Variants in STOX1 observed in about 807,000 individuals in gnomAD.
STOX1 encodes storkhead box 1, also known as storkhead-box protein 1.
Under a neutral mutation model 74.8 loss-of-function variants are expected in STOX1, and 57 were observed. The ratio of observed to expected loss-of-function variants is 0.76; its 90% CI spans 0.62 to 0.95. The LOEUF (loss-of-function observed/expected upper bound fraction) is 0.95. STOX1 is among the 40% of genes least tolerant of loss of function. The probability of loss-of-function intolerance (pLI) is 0.00; values close to 1 mark genes in which losing one functional copy is unlikely to be tolerated. For missense variants in STOX1, 1,010 were observed against 1,117.0 expected (o/e 0.90, Z 1.37); for synonymous variants, 375 against 401.3 (o/e 0.93, Z 0.78).
intron 1 of STOX1, among the ~76,000 whole-genome samples, chr10:68,877,068 A>G (rs575751860): frequency 1.3e-5 from 2 of 152,302 alleles, no homozygotes; most frequent in Admixed American, 6.5e-5. Flanking sequence ...TGAAGGATGT[A>G]TCTTAGCAAC....
Position 68,875,514 on chromosome 10 carries a change from ACCT to A in STOX1, c.311-6440_311-6438del, listed in dbSNP as rs1193514527. On this transcript the variant is annotated intron_variant, in intron 1 of 3. Coordinates refer to ENST00000298596, the MANE Select transcript of STOX1 (RefSeq NM_152709.5). ...TCTACATTGGGGTATGAGTATTCAC[ACCT>A]CCTGAATTGGCCAGGAAGTGGCTCT... 1.4e-4 allele frequency among the ~76,000 whole-genome samples: 21 copies of A among 152,064 alleles called. No homozygotes were observed. In the East Asian group the frequency reaches 3.9e-3, roughly 28 times the overall value.
At chr10:68,862,113 G>C (rs1056649063) in intron 1 of STOX1, among the ~76,000 whole-genome samples, 5 of 152,044 alleles carry the variant, frequency 3.3e-5, no homozygotes, top group Non-Finnish European at 7.4e-5. Flanking sequence ...AAAATCTGCT[G>C]TCTGCACTGA....
intron 3 of STOX1, among the ~76,000 whole-genome samples, chr10:68,887,888 C>G (rs1339492063): frequency 1.3e-5 from 2 of 152,122 alleles, no homozygotes; most frequent in Non-Finnish European, 2.9e-5. Flanking sequence ...AGCTGCCATG[C>G]CCGGCCTCCA....
At position 68,886,087 on chromosome 10, in the gene STOX1, G is replaced by A. The variant is rs202227504; in HGVS notation, c.2291G>A (p.Ser764Asn). 5.8e-5 allele frequency: 93 copies of A among 1,614,084 alleles called. No individual in the cohort carries two copies. The highest frequency in any genetic ancestry group is 7.5e-5 in the Non-Finnish European group (89 of 1,180,042). The stretch of plus-strand genomic sequence containing the variant: ...AGTCAGTATTCCTTCACAGGTGGAA[G>A]CCAGGGAAATCATTTAGGAAAACAA... ...GHSQYSFTGG[S>N]QGNHLGKQKV... The change falls in exon 3 of 4, where the codon AGC (serine) becomes AAC (asparagine). Residue 764 changes from serine to asparagine, a missense_variant. Ser to Asn is a conservative substitution (Grantham distance 46). Coordinates refer to ENST00000298596, the MANE Select transcript of STOX1 (RefSeq NM_152709.5).
chr10:68,858,787 T>G (rs977979375), intron 1 of STOX1, among the ~76,000 whole-genome samples: 2 of 152,112 alleles, frequency 1.3e-5, no homozygotes, highest in Admixed American at 1.3e-4. Context: ...TCCTGTTTAT[T>G]ATTCTGGGCC....
At chr10:68,889,262 G>A (rs1048945942) in intron 3 of STOX1, among the ~76,000 whole-genome samples, 3 of 152,018 alleles carry the variant, frequency 2.0e-5, no homozygotes, top group African/African-American at 7.2e-5. Context: ...ATGACCCACC[G>A]CACTGGCCAT....
At chr10:68,849,605 G>C (rs1309427060) in intron 1 of STOX1, among the ~76,000 whole-genome samples, 1 of 152,090 alleles carries the variant, frequency 6.6e-6, no homozygotes, top group Non-Finnish European at 1.5e-5. Flanking sequence ...GGAGGACCCA[G>C]GGAGCTCAGG....
intron 1 of STOX1, chr10:68,846,683 C>T (rs1169587898): frequency 6.6e-6 from 1 of 152,100 alleles, no homozygotes; most frequent in East Asian, 1.9e-4. Flanking sequence ...ATTCTGAGTC[C>T]TTCAAGTTTG....
In STOX1 at chr10:68,885,222, C is replaced by G; in HGVS notation, c.1426C>G (p.Leu476Val). Residue 476 changes from leucine to valine, a missense_variant, in exon 3 of 4, where the codon CTT (leucine) becomes GTT (valine). Transcript: ENST00000298596. ...SPNEMVGQKP[L>V]GEITTVLGSH... is the part of the protein sequence containing the mutation. Reference sequence around the variant, plus strand: ...AAATGAAATGGTAGGTCAGAAACCACTTGGTGAGATTACAACAGTGCTAGG... The same window carrying G: ...AAATGAAATGGTAGGTCAGAAACCAGTTGGTGAGATTACAACAGTGCTAGG... The G allele has an allele frequency of 6.2e-7, 1 of 1,614,202 alleles. No homozygotes were observed. The highest frequency in any genetic ancestry group is 8.5e-7 in the Non-Finnish European group (1 of 1,180,044).
Position 68,884,590 on chromosome 10 carries a change from C to A in STOX1, c.794C>A (p.Thr265Asn). The A allele has an allele frequency of 3.1e-6, 5 of 1,613,800 alleles. No individual in the cohort carries two copies. The highest frequency in any genetic ancestry group is 4.2e-6 in the Non-Finnish European group (5 of 1,180,028). ...VQEAPVAAEVTRKSHRGLGES... is the reference protein window; with the variant it reads ...VQEAPVAAEVNRKSHRGLGES... ...GAAGCACCAGTTGCTGCAGAAGTGA[C>A]TAGGAAGAGTCACAGAGGTCTTGGG... Residue 265 changes from threonine to asparagine, a missense_variant, in exon 3 of 4, where the codon ACT becomes AAT. Thr to Asn is a moderately conservative substitution (Grantham distance 65, BLOSUM62 0). Coordinates refer to ENST00000298596, the MANE Select transcript of STOX1 (RefSeq NM_152709.5).
Position 68,885,731 on chromosome 10 carries a change from T to G in STOX1, c.1935T>G (p.Gly645=), listed in dbSNP as rs777832760. ...KQTPHSLPSR[G]ASFSDRTPSA... is the part of the protein sequence containing the mutation. ...CTCCGCATAGTCTGCCATCACGAGG[T>G]GCCTCCTTTTCAGACCGAACACCCT... The change falls in exon 3 of 4, where the codon GGT becomes GGG. Residue 645 remains glycine, a synonymous_variant. Coordinates refer to ENST00000298596, the MANE Select transcript of STOX1 (RefSeq NM_152709.5). 1 of 1,614,114 alleles carries G rather than the reference T, an allele frequency of 6.2e-7. No individual in the cohort carries two copies. The highest frequency in any genetic ancestry group is 8.5e-7 in the Non-Finnish European group (1 of 1,180,030).
chr10:68,859,140 C>A (rs1400602799), intron 1 of STOX1, among the ~76,000 whole-genome samples: 1 of 152,000 alleles, frequency 6.6e-6, no homozygotes, highest in Non-Finnish European at 1.5e-5. Flanking sequence ...ATTATTTGCC[C>A]CTCTAAGTTC....
At chr10:68,888,080 C>G (rs1225854731) in intron 3 of STOX1, among the ~76,000 whole-genome samples, 1 of 151,728 alleles carries the variant, frequency 6.6e-6, no homozygotes. Context: ...CACGCGCGCA[C>G]ACACGCACAC....
At chr10:68,873,864 T>C (rs1234273871) in intron 1 of STOX1, among the ~76,000 whole-genome samples, 1 of 150,914 alleles carries the variant, frequency 6.6e-6, no homozygotes, top group East Asian at 2.0e-4. Context: ...TTGGTCAGGC[T>C]GGTCTCGAAC....
Position 68,886,590 on chromosome 10 carries a change from G to A in STOX1, c.2794G>A (p.Ala932Thr), listed in dbSNP as rs533838028. ...GGAAGGGACAGAAAATCACAGCATG[G>A]CAGGAGATAGTGGAATAGATTCTCC... ...HLEGTENHSMAGDSGIDSPRT... is the reference protein window; with the variant it reads ...HLEGTENHSMTGDSGIDSPRT... Residue 932 changes from alanine to threonine, a missense_variant, in exon 3 of 4, where the codon GCA (alanine) becomes ACA (threonine). Physicochemically the swap from Ala to Thr is moderately conservative, Grantham distance 58 (BLOSUM62 0). Coordinates refer to ENST00000298596, the MANE Select transcript of STOX1 (RefSeq NM_152709.5). 1 of 1,614,004 alleles carries A rather than the reference G, an allele frequency of 6.2e-7. No homozygotes were observed. The highest frequency in any genetic ancestry group is 8.5e-7 in the Non-Finnish European group (1 of 1,180,022).
At chr10:68,863,325 A>G (rs1840312036) in intron 1 of STOX1, among the ~76,000 whole-genome samples, 2 of 152,092 alleles carry the variant, frequency 1.3e-5, no homozygotes, top group Non-Finnish European at 2.9e-5. Context: ...CTATCATTAA[A>G]TTACTCATTG....
At chr10:68,873,929 G>A (rs1199489632) in intron 1 of STOX1, among the ~76,000 whole-genome samples, 4 of 150,114 alleles carry the variant, frequency 2.7e-5, no homozygotes, top group African/African-American at 7.3e-5. Flanking sequence ...GATTACAGGC[G>A]TGAGCCACTG....
chr10:68,830,038 C>T (rs1264925624), intron 1 of STOX1, among the ~76,000 whole-genome samples: 1 of 152,042 alleles, frequency 6.6e-6, no homozygotes, highest in Non-Finnish European at 1.5e-5. Flanking sequence ...GACCTGGGGG[C>T]GAAATAAGAG....
chr10:68,884,154 G>C, intron 2 of STOX1, 106 bp from the exon 3 acceptor site: 2 of 994,636 alleles, frequency 2.0e-6, no homozygotes, highest in Admixed American at 1.9e-5. Context: ...GTTACAATCA[G>C]CTCTGGGTTT....
Sources: allele counts gnomAD v4.1 joint callset (sites outside exome capture counted in the v4.1 genomes callset), GRCh38; gene constraint gnomAD v4.1.1; transcripts MANE v1.5; gene names NCBI Gene and HGNC (gene_info 2026-07-23, HGNC 2026-07-21).